The following RPRD2 variants were observed in gnomAD, a reference collection of about 807,000 sequenced individuals.
The protein encoded by RPRD2 is regulation of nuclear pre-mRNA domain-containing protein 2.
RPRD2 carries 12 observed loss-of-function variants against 104.4 expected under a neutral mutation model. The ratio of observed to expected loss-of-function variants is 0.11; its 90% CI spans 0.07 to 0.19. The LOEUF (loss-of-function observed/expected upper bound fraction) is 0.19. Ranked by LOEUF, RPRD2 falls within the 10% of genes least tolerant of loss-of-function variation. RPRD2 has a pLI of 1.00. For synonymous variants in RPRD2, 714 were observed against 684.9 expected (o/e 1.04, Z -0.66); for missense variants, 1,543 against 1,790.1 (o/e 0.86, Z 2.49).
At chr1:150,416,699 A>G (rs1405858066) in intron 1 of RPRD2, among the ~76,000 whole-genome samples, 1 of 151,828 alleles carries the variant, frequency 6.6e-6, no homozygotes, top group African/African-American at 2.4e-5. Context: ...ATAAAACCCT[A>G]TCTCTACCAA....
chr1:150,372,465 G>A (rs1553878592), intron 1 of RPRD2, among the ~76,000 whole-genome samples: 1 of 150,886 alleles, frequency 6.6e-6, no homozygotes, highest in South Asian at 2.1e-4. Flanking sequence ...GGGCAACAGA[G>A]TGAGACTCCG....
chr1:150,414,531 C>CT (rs1347459462), intron 1 of RPRD2, among the ~76,000 whole-genome samples: 1 of 152,024 alleles, frequency 6.6e-6, no homozygotes, highest in East Asian at 1.9e-4. Context: ...GCCAGACTGG[C>CT]TACCTATACA....
intron 1 of RPRD2, among the ~76,000 whole-genome samples, chr1:150,399,380 G>A (rs1354917785): frequency 2.0e-5 from 3 of 152,044 alleles, no homozygotes; most frequent in African/African-American, 7.2e-5. Flanking sequence ...TTTTAAAATG[G>A]GTATCCAATT....
At chr1:150,433,479 CTG>C (rs1336811630) in intron 2 of RPRD2, among the ~76,000 whole-genome samples, 1 of 122,776 alleles carries the variant, frequency 8.1e-6, no homozygotes, top group Non-Finnish European at 1.6e-5. Flanking sequence ...GAGTCTCGCT[CTG>C]TCACCCAGGC....
intron 1 of RPRD2, among the ~76,000 whole-genome samples, chr1:150,404,466 G>A (rs1553886083): frequency 2.0e-5 from 3 of 151,596 alleles, no homozygotes; most frequent in African/African-American, 7.3e-5. Context: ...GGCTGGTCTC[G>A]AACTTCTAAG....
intron 2 of RPRD2, among the ~76,000 whole-genome samples, chr1:150,438,146 C>T (rs902085036): frequency 5.3e-5 from 8 of 151,208 alleles, no homozygotes; most frequent in South Asian, 2.1e-4. Context: ...AAAAATTAGC[C>T]GGGCATGGTG....
chr1:150,441,042 C>T lies in RPRD2; in HGVS notation c.436+19C>T, dbSNP rs1264204681. On this transcript the variant is annotated intron_variant, in intron 3 of 10. Transcript: ENST00000369068. Reference sequence around the variant, plus strand: ...GCTTTGAGTAAGTGTCTTTTTCTCTCCTAAAAGAAAATTTTTGAGTCAGTC... The same window carrying T: ...GCTTTGAGTAAGTGTCTTTTTCTCTTCTAAAAGAAAATTTTTGAGTCAGTC... 1 of 1,321,106 alleles carries T rather than the reference C, an allele frequency of 7.6e-7. No individual in the cohort carries two copies. Among genetic ancestry groups the T allele is most frequent in the African/African-American group, 1.5e-5 (1 of 67,556 alleles). The allele number at this position is 1,321,106 out of a possible 1,614,324, so 81.8% of individuals were successfully genotyped here. A position where few individuals can be genotyped will look rare whatever the true frequency, so the allele number is the denominator to read the frequency against.
chr1:150,375,481 G>A (rs1660622512), intron 1 of RPRD2, among the ~76,000 whole-genome samples: 1 of 152,182 alleles, frequency 6.6e-6, no homozygotes, highest in Non-Finnish European at 1.5e-5. Context: ...TTTAATGTTA[G>A]TTTTGTCTGT....
At chr1:150,407,340 A>G (rs923852786) in intron 1 of RPRD2, among the ~76,000 whole-genome samples, 2 of 152,202 alleles carry the variant, frequency 1.3e-5, no homozygotes, top group African/African-American at 4.8e-5. Flanking sequence ...TTAGTAAACA[A>G]AGCATCTCTG....
rs1314503126 is a variant in RPRD2 at position 150,364,172 on chromosome 1, T to A, written c.-543T>A. Among the ~76,000 whole-genome samples, 1 of 152,146 alleles carries A rather than the reference T, an allele frequency of 6.6e-6. No homozygotes were observed. The highest frequency in any genetic ancestry group is 1.5e-5 in the Non-Finnish European group (1 of 68,018). On this transcript the variant is annotated 5_prime_UTR_variant, in exon 1 of 11. Transcript: ENST00000369068. ...ACTGTTGCTGCCCCTTTGCTGCTAT[T>A]GCGTTGCAAAAAAAATCCTGACTAG...
At chr1:150,439,707 TGATA>T (rs1666284383) in intron 2 of RPRD2, among the ~76,000 whole-genome samples, 1 of 152,004 alleles carries the variant, frequency 6.6e-6, no homozygotes, top group Non-Finnish European at 1.5e-5. Context: ...TTTTGTCTTT[TGATA>T]GATCTATGAA....
intron 1 of RPRD2, among the ~76,000 whole-genome samples, chr1:150,379,092 C>A (rs1484728503): frequency 6.6e-6 from 1 of 150,624 alleles, no homozygotes; most frequent in African/African-American, 2.4e-5. Context: ...ACCAGCCTGG[C>A]CAACATGGCG....
chr1:150,423,823 G>A (rs1461462922), intron 2 of RPRD2, among the ~76,000 whole-genome samples: 1 of 147,726 alleles, frequency 6.8e-6, no homozygotes, highest in Non-Finnish European at 1.5e-5. Context: ...ACAGAGTTTC[G>A]CTCTTATTGC....
At chr1:150,371,358 T>TTTTTTG (rs1180136261) in intron 1 of RPRD2, among the ~76,000 whole-genome samples, 1 of 151,980 alleles carries the variant, frequency 6.6e-6, no homozygotes, top group Non-Finnish European at 1.5e-5. Flanking sequence ...CACAAAGAGG[T>TTTTTTG]TTTTTGTTTT....
intron 1 of RPRD2, among the ~76,000 whole-genome samples, chr1:150,380,345 AG>A (rs1228372021): frequency 2.0e-5 from 3 of 152,108 alleles, no homozygotes; most frequent in African/African-American, 7.2e-5. Flanking sequence ...TGGTTGTCTG[AG>A]AGCCCACCTC....
At chr1:150,382,983 G>T (rs782080252) in intron 1 of RPRD2, among the ~76,000 whole-genome samples, 6 of 151,832 alleles carry the variant, frequency 4.0e-5, no homozygotes, top group Non-Finnish European at 7.4e-5. Flanking sequence ...CACTGTGCCC[G>T]GCTGGGATTT....
Position 150,364,187 on chromosome 1 carries a change from A to G in RPRD2, c.-528A>G, listed in dbSNP as rs587632554. ...TTGCTGCTATTGCGTTGCAAAAAAA[A>G]TCCTGACTAGGTAGCCTTGGACCTT... On this transcript the variant is annotated 5_prime_UTR_variant, in exon 1 of 11. Coordinates refer to ENST00000369068, the MANE Select transcript of RPRD2 (RefSeq NM_015203.5). Among the ~76,000 whole-genome samples, 34 of 152,314 alleles carry G rather than the reference A, an allele frequency of 2.2e-4. No individual in the cohort carries two copies. In the East Asian group the frequency reaches 5.6e-3, roughly 25 times the overall value.
chr1:150,370,003 A>C (rs1422039358), intron 1 of RPRD2, among the ~76,000 whole-genome samples: 1 of 146,952 alleles, frequency 6.8e-6, no homozygotes, highest in Admixed American at 6.8e-5. Flanking sequence ...ACTGGTCTCA[A>C]ACTCCTGACT....
chr1:150,472,969 G>A lies in RPRD2; in HGVS notation c.4021G>A (p.Gly1341Arg). The change falls in exon 11 of 11, where the codon GGG becomes AGG. Residue 1341 changes from glycine (G) to arginine (R), a missense_variant. This residue lies in a region of RPRD2 where 880 missense variants were observed against 885.6 expected (regional missense o/e 0.99). Coordinates refer to ENST00000369068, the MANE Select transcript of RPRD2 (RefSeq NM_015203.5). Reference protein sequence around the residue: ...LLQGTLAEHFGVLPGPRDHGG... With the variant: ...LLQGTLAEHFRVLPGPRDHGG... Reference sequence around the variant, plus strand: ...TCAAGGGACCCTGGCTGAGCATTTTGGGGTACTCCCAGGACCCAGGGACCA... The same window carrying A: ...TCAAGGGACCCTGGCTGAGCATTTTAGGGTACTCCCAGGACCCAGGGACCA... 6.2e-7 allele frequency: 1 copy of A among 1,613,892 alleles called. No individual in the cohort carries two copies. Among genetic ancestry groups the A allele is most frequent in the South Asian group, 1.1e-5 (1 of 91,078 alleles).
Sources: allele counts gnomAD v4.1 joint callset (sites outside exome capture counted in the v4.1 genomes callset), GRCh38; gene constraint gnomAD v4.1.1; regional missense constraint gnomAD v4.1.1; transcripts MANE v1.5; gene names NCBI Gene and HGNC (gene_info 2026-07-23, HGNC 2026-07-21).